The following KLF6 variants were observed in gnomAD, a reference collection of about 807,000 sequenced individuals.
KLF6 encodes the protein KLF transcription factor 6.
For synonymous variants in KLF6, 152 were observed against 147.9 expected, an observed-to-expected ratio of 1.03 and a Z score of -0.20; for missense variants, 233 against 359.8, an observed-to-expected ratio of 0.65 and a Z score of 2.85.
Position 3,777,809 on chromosome 10 carries a change from A to C in KLF6, c.*1730T>G, listed in dbSNP as rs1310906236. ...ATACTGTACACACAAATATACATAC[A>C]CAAGAATTCTGCCCACTTTTTTAAA... is the stretch of plus-strand genomic sequence containing the variant. On this transcript the variant is annotated 3_prime_UTR_variant, in exon 4 of 4. Coordinates refer to ENST00000497571, the MANE Select transcript of KLF6 (RefSeq NM_001300.6). 2.1e-6 allele frequency: 1 copy of C among 475,728 alleles called. No individual in the cohort carries two copies. Among genetic ancestry groups the C allele is most frequent in the Admixed American group, 2.4e-5 (1 of 41,946 alleles). 29.5% of individuals were successfully genotyped at this position (475,728 alleles called of 1,614,324 possible).
rs1287496198 is a variant in KLF6 at position 3,778,767 on chromosome 10, T to G, written c.*772A>C. 2 of 530,938 alleles carry G rather than the reference T, an allele frequency of 3.8e-6. No individual in the cohort carries two copies. Among genetic ancestry groups the G allele is most frequent in the Non-Finnish European group, 7.3e-6 (2 of 274,260 alleles). 32.9% of individuals were successfully genotyped at this position (530,938 alleles called of 1,614,324 possible). ...AGCATATAGTTCCCCAGACCATGCATGACTTTTTGTATTCTAAGGAAAAGT... is the reference window on the plus strand; with the variant it reads ...AGCATATAGTTCCCCAGACCATGCAGGACTTTTTGTATTCTAAGGAAAAGT... On this transcript the variant is annotated 3_prime_UTR_variant, in exon 4 of 4. Transcript: ENST00000497571.
rs771561652 is a variant in KLF6, at chr10:3,782,024, T to G, written c.293A>C (p.Asn98Thr). 1 of 1,614,140 alleles carries G rather than the reference T, an allele frequency of 6.2e-7. No homozygotes were observed. Among genetic ancestry groups the G allele is most frequent in the East Asian group, 2.2e-5 (1 of 44,870 alleles). ...DTLISPSFCY[N>T]LETNSLNSDV... is the part of the protein sequence containing the mutation. ...TGAGTTCAGGCTGTTGGTCTCTAAGTTGTAACAAAAGCTCGGGCTGATGAG... is the reference window on the plus strand; with the variant it reads ...TGAGTTCAGGCTGTTGGTCTCTAAGGTGTAACAAAAGCTCGGGCTGATGAG... The change falls in exon 2 of 4, where the codon AAC becomes ACC. Residue 98 changes from asparagine to threonine, a missense_variant. Coordinates refer to ENST00000497571, the MANE Select transcript of KLF6 (RefSeq NM_001300.6). This position sits in a 1 kb window ranked among gnomAD's most constrained non-coding sequence, Gnocchi z 4.3.
Position 3,780,279 on chromosome 10 carries a change from A to C in KLF6, c.677-50T>G. 6.2e-7 allele frequency: 1 copy of C among 1,608,642 alleles called. No individual in the cohort carries two copies. Among genetic ancestry groups the C allele is most frequent in the Non-Finnish European group, 8.5e-7 (1 of 1,179,536 alleles). On this transcript the variant is annotated intron_variant, in intron 2 of 3. Transcript: ENST00000497571. This position sits in a 1 kb window ranked among gnomAD's most constrained non-coding sequence, Gnocchi z 4.6. ...AGCCCATGACTTCACTGACCCGCAG[A>C]CGGAAAGGGGAAATTCAACAACACA...
Position 3,776,080 on chromosome 10 carries a change from C to T in KLF6, c.*3459G>A, listed in dbSNP as rs752972329. On this transcript the variant is annotated 3_prime_UTR_variant, in exon 4 of 4. Transcript: ENST00000497571. ...GAGAACAGCCCTCTGGCCTGGAGTC[C>T]CTCTGCCTCCTCCACCCCTCCCAGA... 9 of 528,076 alleles carry T rather than the reference C, an allele frequency of 1.7e-5. No homozygotes were observed. Among genetic ancestry groups the T allele is most frequent in the South Asian group, 1.1e-4 (7 of 65,066 alleles). 32.7% of individuals were successfully genotyped at this position (528,076 alleles called of 1,614,324 possible).
Position 3,781,828 on chromosome 10 carries a change from A to ACCC in KLF6, c.486_488dup (p.Gly163dup), listed in dbSNP as rs750826814. On this transcript the variant is annotated inframe_insertion, in exon 2 of 4. Coordinates refer to ENST00000497571, the MANE Select transcript of KLF6 (RefSeq NM_001300.6). This position sits in a 1 kb window ranked among gnomAD's most constrained non-coding sequence, Gnocchi z 5.8. ...GCGAGGGCAGCTCCCCGGGCACGCA[A>ACCC]CCCCACAGTTGAGAAGGTTCCCTGC... is the stretch of plus-strand genomic sequence containing the variant. 1.2e-6 allele frequency: 2 copies of ACCC among 1,614,144 alleles called. No homozygotes were observed. Among genetic ancestry groups the ACCC allele is most frequent in the Admixed American group, 1.7e-5 (1 of 60,022 alleles).
intron 1 of KLF6, among the ~76,000 whole-genome samples, chr10:3,783,544 G>A (rs1185743597): frequency 6.6e-6 from 1 of 152,074 alleles, no homozygotes; most frequent in Non-Finnish European, 1.5e-5. Context: ...CCCCTCCCCA[G>A]GCTCGCACAC....
In KLF6 at chr10:3,782,412, T is replaced by G. The variant is rs1458097657; in HGVS notation, c.103-198A>C. On this transcript the variant is annotated intron_variant, in intron 1 of 3. Coordinates refer to ENST00000497571, the MANE Select transcript of KLF6 (RefSeq NM_001300.6). The surrounding 1 kb of genome is among the most constrained non-coding windows in gnomAD (Gnocchi z 4.3). ...AATCTGTTTCTAGAATGGTAAGAAT[T>G]CAGAGGAAAAGTCGGAGGGTGAAAC... 6.6e-6 allele frequency among the ~76,000 whole-genome samples: 1 copy of G among 152,198 alleles called. No homozygotes were observed. Among genetic ancestry groups the G allele is most frequent in the Non-Finnish European group, 1.5e-5 (1 of 68,028 alleles).
At chr10:3,784,860 C>A in intron 1 of KLF6, 53 bp downstream of exon 1, 1 of 1,552,070 alleles carries the variant, frequency 6.4e-7, no homozygotes. Context: ...CCCAAACAGC[C>A]GACCCGGCCC....
chr10:3,782,259 C>CA lies in KLF6; in HGVS notation c.103-46dup. ...GAAGGCACGTGATTGCCATGACGAC[C>CA]AAAAGTAAAAGCAAAAGCAATTTCC... On this transcript the variant is annotated intron_variant, in intron 1 of 3. Coordinates refer to ENST00000497571, the MANE Select transcript of KLF6 (RefSeq NM_001300.6). The surrounding 1 kb of genome is among the most constrained non-coding windows in gnomAD (Gnocchi z 4.3). 2.6e-6 allele frequency: 4 copies of CA among 1,526,588 alleles called. No homozygotes were observed. Among genetic ancestry groups the CA allele is most frequent in the Non-Finnish European group, 2.7e-6 (3 of 1,113,462 alleles). The allele number at this position is 1,526,588 out of a possible 1,614,324, so 94.6% of individuals were successfully genotyped here.
chr10:3,780,533 A>G lies in KLF6; in HGVS notation c.677-304T>C. 2.2e-6 allele frequency: 1 copy of G among 454,608 alleles called. No individual in the cohort carries two copies. Among genetic ancestry groups the G allele is most frequent in the South Asian group, 2.0e-5 (1 of 48,824 alleles). The allele number at this position is 454,608 out of a possible 1,614,324, so 28.2% of individuals were successfully genotyped here. On this transcript the variant is annotated intron_variant, in intron 2 of 3. Coordinates refer to ENST00000497571, the MANE Select transcript of KLF6 (RefSeq NM_001300.6). The surrounding 1 kb of genome is among the most constrained non-coding windows in gnomAD (Gnocchi z 4.6). ...CAAAATGCTTGCGGGATGAGGTGTC[A>G]GCCTGCCGGACCCACAGCCCCGGCA...
Position 3,776,138 on chromosome 10 carries a change from TG to T in KLF6, c.*3400del, listed in dbSNP as rs1425723617. The T allele has an allele frequency of 3.8e-6, 2 of 530,048 alleles. No individual in the cohort carries two copies. The highest frequency in any genetic ancestry group is 2.2e-5 in the Admixed American group (1 of 44,888). 32.8% of individuals were successfully genotyped at this position (530,048 alleles called of 1,614,324 possible). On this transcript the variant is annotated 3_prime_UTR_variant, in exon 4 of 4. Transcript: ENST00000497571. ...CAGCCAGGTGTGTGGCAGGGCTGGC[TG>T]GGGAAGGTAGGCCCAGCTCTAGCTG... is the stretch of plus-strand genomic sequence containing the variant.
intron 1 of KLF6, among the ~76,000 whole-genome samples, chr10:3,783,995 C>T (rs771363348): frequency 6.6e-6 from 1 of 152,196 alleles, no homozygotes; most frequent in Non-Finnish European, 1.5e-5. Context: ...GGTTGCAACA[C>T]CCTGCATTTC....
At position 3,781,991 on chromosome 10, in the gene KLF6, C is replaced by T. The variant is rs1329980440; in HGVS notation, c.326G>A (p.Ser109Asn). ...LETNSLNSDV[S>N]SESSDSSEEL... ...CTCGGAGCTGTCAGAGGATTCGCTG[C>T]TGACATCTGAGTTCAGGCTGTTGGT... is the stretch of plus-strand genomic sequence containing the variant. Residue 109 changes from serine to asparagine, a missense_variant, in exon 2 of 4, where the codon AGC becomes AAC. Ser to Asn is a conservative substitution (Grantham distance 46). Transcript: ENST00000497571. This position sits in a 1 kb window ranked among gnomAD's most constrained non-coding sequence, Gnocchi z 5.8. 3 of 1,614,094 alleles carry T rather than the reference C, an allele frequency of 1.9e-6. No individual in the cohort carries two copies.
chr10:3,779,003 C>G lies in KLF6; in HGVS notation c.*536G>C. The stretch of plus-strand genomic sequence containing the variant: ...GGGGTCCTGAGTTCCCACGCCCACC[C>G]TCCAAGATTTTCCTTCTTTTTTTGT... On this transcript the variant is annotated 3_prime_UTR_variant, in exon 4 of 4. Transcript: ENST00000497571. 1 of 531,340 alleles carries G rather than the reference C, an allele frequency of 1.9e-6. No homozygotes were observed. Among genetic ancestry groups the G allele is most frequent in the Non-Finnish European group, 3.6e-6 (1 of 275,596 alleles). The allele number at this position is 531,340 out of a possible 1,614,324, so 32.9% of individuals were successfully genotyped here. A position where few individuals can be genotyped will look rare whatever the true frequency, so the allele number is the denominator to read the frequency against.
In KLF6 at chr10:3,781,929, T is replaced by C. The variant is rs1432985435; in HGVS notation, c.388A>G (p.Ile130Val). Residue 130 changes from isoleucine (I) to valine (V), a missense_variant, in exon 2 of 4, where the codon ATT (isoleucine) becomes GTT (valine). Ile to Val is a conservative substitution (Grantham distance 29). Transcript: ENST00000497571. This position sits in a 1 kb window ranked among gnomAD's most constrained non-coding sequence, Gnocchi z 5.8. Reference sequence around the variant, plus strand: ...CCCGAGCTGACCAAAACTTCGCCAATGGGGTCGGAGGTAAACTTGGCCGTG... The same window carrying C: ...CCCGAGCTGACCAAAACTTCGCCAACGGGGTCGGAGGTAAACTTGGCCGTG... ...SPTAKFTSDP[I>V]GEVLVSSGKL... 6.2e-7 allele frequency: 1 copy of C among 1,614,114 alleles called. No individual in the cohort carries two copies. The highest frequency in any genetic ancestry group is 1.3e-5 in the African/African-American group (1 of 75,010).
chr10:3,784,999 T>A lies in KLF6; in HGVS notation c.16A>T (p.Met6Leu), dbSNP rs1198407776. The change falls in exon 1 of 4, where the codon ATG becomes TTG. Residue 6 changes from methionine to leucine, a missense_variant. Met to Leu is a conservative substitution (Grantham distance 15, BLOSUM62 2). Coordinates refer to ENST00000497571, the MANE Select transcript of KLF6 (RefSeq NM_001300.6). MDVLP[M>L]CSIFQELQIV... is the part of the protein sequence containing the mutation. ...TGGAGCTCCTGGAAGATGCTGCACA[T>A]GGGGAGCACGTCCATGTCGGGCCGG... The A allele has an allele frequency of 6.2e-7, 1 of 1,609,758 alleles. No individual in the cohort carries two copies.
In KLF6 at chr10:3,780,395, C is replaced by G; in HGVS notation, c.677-166G>C. 3.9e-6 allele frequency: 3 copies of G among 770,334 alleles called. No individual in the cohort carries two copies. The highest frequency in any genetic ancestry group is 6.7e-6 in the Non-Finnish European group (3 of 446,170). The allele number at this position is 770,334 out of a possible 1,614,324, so 47.7% of individuals were successfully genotyped here. On this transcript the variant is annotated intron_variant, in intron 2 of 3. Transcript: ENST00000497571. The surrounding 1 kb of genome is among the most constrained non-coding windows in gnomAD (Gnocchi z 4.6). ...CAGCCTCAGAGAGACAACAGCAGCT[C>G]TCTCCTGACCCAGTCTCAGGCCTCC... is the stretch of plus-strand genomic sequence containing the variant.
At position 3,782,671 on chromosome 10, in the gene KLF6, C is replaced by T. The variant is rs1299797299; in HGVS notation, c.103-457G>A. Among the ~76,000 whole-genome samples the T allele has an allele frequency of 6.6e-6, 1 of 152,216 alleles. No individual in the cohort carries two copies. Among genetic ancestry groups the T allele is most frequent in the East Asian group, 1.9e-4 (1 of 5,198 alleles). On this transcript the variant is annotated intron_variant, in intron 1 of 3. Transcript: ENST00000497571. The surrounding 1 kb of genome is among the most constrained non-coding windows in gnomAD (Gnocchi z 4.3). ...ACCCTTCACACTCCACAGATACCCA[C>T]ACAGGACAGAAAGACTGCACGGCAC...
In KLF6 at chr10:3,781,515, C is replaced by G; in HGVS notation, c.676+126G>C. Reference sequence around the variant, plus strand: ...GACCTAATGCTTTGGTGGAAAACATCTGAGGAAGTGAGGATTTGTCTGCCC... The same window carrying G: ...GACCTAATGCTTTGGTGGAAAACATGTGAGGAAGTGAGGATTTGTCTGCCC... On this transcript the variant is annotated intron_variant, in intron 2 of 3. Coordinates refer to ENST00000497571, the MANE Select transcript of KLF6 (RefSeq NM_001300.6). This position sits in a 1 kb window ranked among gnomAD's most constrained non-coding sequence, Gnocchi z 5.8. 1.3e-6 allele frequency: 2 copies of G among 1,553,772 alleles called. No homozygotes were observed. Among genetic ancestry groups the G allele is most frequent in the Non-Finnish European group, 1.7e-6 (2 of 1,148,416 alleles).
Sources: allele counts gnomAD v4.1 joint callset (sites outside exome capture counted in the v4.1 genomes callset), GRCh38; gene constraint gnomAD v4.1.1; non-coding constraint Gnocchi (gnomAD v3.1); transcripts MANE v1.5; gene names NCBI Gene and HGNC (gene_info 2026-07-23, HGNC 2026-07-21).